DCUN1D4: variants seen among roughly 807,000 people sequenced by gnomAD.
DCUN1D4 encodes DCN1-like protein 4.
Under a neutral mutation model 47.9 loss-of-function variants are expected in DCUN1D4, and 22 were observed. The ratio of observed to expected loss-of-function variants is 0.46; its 90% confidence interval spans 0.33 to 0.66. The LOEUF is 0.66. Ranked by LOEUF, DCUN1D4 falls within the 30% of genes least tolerant of loss-of-function variation. The probability of loss-of-function intolerance (pLI) is 0.02; values close to 1 mark genes in which losing one functional copy is unlikely to be tolerated. For missense variants in DCUN1D4, 301 were observed against 340.8 expected, an observed-to-expected ratio of 0.88 and a Z score of 0.92; for synonymous variants, 121 against 112.2, an observed-to-expected ratio of 1.08 and a Z score of -0.50.
chr4:51,841,142 T>A (rs999844375), upstream of DCUN1D4, among the ~76,000 whole-genome samples: 1 of 152,186 alleles, frequency 6.6e-6, no homozygotes, highest in African/African-American at 2.4e-5. Flanking sequence ...TAGCTATAAT[T>A]AATTGTGGGC....
At chr4:51,834,014 T>C in the DCUN1D4 span, among the ~76,000 whole-genome samples, 4 of 150,276 alleles carry the variant, frequency 2.7e-5, no homozygotes, top group South Asian at 4.3e-4. Flanking sequence ...TAGGTTTTGG[T>C]GTTGAGCCAT....
chr4:51,841,684 G>A (rs555450057), upstream of DCUN1D4, among the ~76,000 whole-genome samples: 7 of 152,188 alleles, frequency 4.6e-5, no homozygotes, highest in East Asian at 1.4e-3. Flanking sequence ...TAAGATGGAG[G>A]GAGCATTTTA....
At chr4:51,856,122 G>A (rs1244612044) in intron 1 of DCUN1D4, among the ~76,000 whole-genome samples, 1 of 152,126 alleles carries the variant, frequency 6.6e-6, no homozygotes, top group East Asian at 1.9e-4. Context: ...AAGGTTAGAT[G>A]GTAACCTTTA....
At chr4:51,905,152 T>G (rs1343604459) in intron 8 of DCUN1D4, 1 of 451,502 alleles carries the variant, frequency 2.2e-6, no homozygotes, top group Non-Finnish European at 4.5e-6. Context: ...TGTGTTATTT[T>G]TCTCCTAATT....
At chr4:51,839,155 G>T (rs527863558), upstream of DCUN1D4, among the ~76,000 whole-genome samples, 1 of 149,358 alleles carries the variant, frequency 6.7e-6, no homozygotes, top group African/African-American at 2.5e-5. Flanking sequence ...AGGAAGGAAG[G>T]AAGGAAGGAG....
At chr4:51,840,955 A>T (rs1721616431), upstream of DCUN1D4, among the ~76,000 whole-genome samples, 1 of 152,210 alleles carries the variant, frequency 6.6e-6, no homozygotes, top group Non-Finnish European at 1.5e-5. Context: ...GACTCAACTG[A>T]AAGCAATGTT....
chr4:51,910,427 G>A lies in DCUN1D4; in HGVS notation c.616-643G>A, dbSNP rs375909879. Among the ~76,000 whole-genome samples the A allele has an allele frequency of 5.3e-5, 8 of 152,070 alleles. No individual in the cohort carries two copies. The East Asian group carries it at 5.8e-4, about 11-fold the overall frequency. ...AGGAGTATTTTACTAGGAAATTTACGTCTAAGAAATCTATCTATCTATCTG... is the reference window on the plus strand; with the variant it reads ...AGGAGTATTTTACTAGGAAATTTACATCTAAGAAATCTATCTATCTATCTG... On this transcript the variant is annotated intron_variant, in intron 8 of 10. Transcript: ENST00000334635.
intron 4 of DCUN1D4, 21 bp from the exon 5 acceptor site, chr4:51,877,742 A>C: frequency 6.5e-7 from 1 of 1,528,394 alleles, no homozygotes; most frequent in Non-Finnish European, 9.0e-7. Flanking sequence ...AATAACTTAA[A>C]ACTGCCTTTT....
intron 9 of DCUN1D4, among the ~76,000 whole-genome samples, chr4:51,911,992 T>C (rs1733787608): frequency 6.6e-6 from 1 of 152,162 alleles, no homozygotes; most frequent in Admixed American, 6.5e-5. Flanking sequence ...TCTCACAACT[T>C]ACTTTATGTA....
At chr4:51,876,619 C>A (rs1354084427) in intron 4 of DCUN1D4, among the ~76,000 whole-genome samples, 17 of 151,806 alleles carry the variant, frequency 1.1e-4, no homozygotes, top group Non-Finnish European at 1.9e-4. Context: ...CAAGTTTAAA[C>A]TGCACAAGTC....
At chr4:51,868,689 A>G (rs1285746852) in intron 3 of DCUN1D4, among the ~76,000 whole-genome samples, 1 of 152,190 alleles carries the variant, frequency 6.6e-6, no homozygotes, top group Non-Finnish European at 1.5e-5. Context: ...AGTCACAGAG[A>G]TCGGGTATCT....
the DCUN1D4 span, among the ~76,000 whole-genome samples, chr4:51,834,114 C>CTTTTTTTTTTTTTTTTT: frequency 8.1e-5 from 3 of 37,204 alleles, no homozygotes; most frequent in African/African-American, 3.2e-4. Flanking sequence ...TTTTTTTTTT[C>CTTTTTTTTTTTTTTTTT]TTTTTTTTTT....
upstream of DCUN1D4, among the ~76,000 whole-genome samples, chr4:51,838,573 G>C (rs1357926439): frequency 6.6e-6 from 1 of 151,824 alleles, no homozygotes; most frequent in Non-Finnish European, 1.5e-5. Flanking sequence ...GTAGAGATAG[G>C]GTCTCCCTGT....
intron 8 of DCUN1D4, among the ~76,000 whole-genome samples, chr4:51,908,464 C>G (rs1433647860): frequency 5.9e-5 from 9 of 152,136 alleles, no homozygotes; most frequent in Non-Finnish European, 8.8e-5. Context: ...ATCCAGGAAT[C>G]TATTGGTCTG....
chr4:51,870,489 G>A (rs573399029), intron 3 of DCUN1D4, among the ~76,000 whole-genome samples: 93 of 151,638 alleles, frequency 6.1e-4, no homozygotes, highest in African/African-American at 2.1e-3. Context: ...GGTGTTTTAA[G>A]TCTCTGGAAA....
chr4:51,850,419 G>A (rs1723197753), intron 1 of DCUN1D4, among the ~76,000 whole-genome samples: 1 of 152,036 alleles, frequency 6.6e-6, no homozygotes, highest in Admixed American at 6.6e-5. Flanking sequence ...ATTGTTATCT[G>A]GGTCAGGTTG....
chr4:51,868,576 T>C (rs535611306), intron 3 of DCUN1D4, among the ~76,000 whole-genome samples: 1 of 152,200 alleles, frequency 6.6e-6, no homozygotes, highest in Non-Finnish European at 1.5e-5. Flanking sequence ...AAATCTATGA[T>C]GTTTAGAAAT....
At chr4:51,859,837 T>A (rs1724756828) in intron 1 of DCUN1D4, among the ~76,000 whole-genome samples, 2 of 152,106 alleles carry the variant, frequency 1.3e-5, no homozygotes, top group Non-Finnish European at 2.9e-5. Flanking sequence ...TCAGCACTGC[T>A]TTACTTTGGA....
intron 8 of DCUN1D4, among the ~76,000 whole-genome samples, chr4:51,901,352 T>C (rs183889953): frequency 2.0e-5 from 3 of 152,316 alleles, no homozygotes; most frequent in Admixed American, 6.5e-5. Context: ...ACGTTGTTCA[T>C]AGTAGATCCA....
Sources: allele counts gnomAD v4.1 joint callset (sites outside exome capture counted in the v4.1 genomes callset), GRCh38; gene constraint gnomAD v4.1.1; transcripts MANE v1.5; gene names NCBI Gene and HGNC (gene_info 2026-07-23, HGNC 2026-07-21).